Variants in NRG3 observed in about 807,000 individuals in gnomAD.
NRG3 encodes the protein pro-neuregulin-3, membrane-bound isoform.
Under a neutral mutation model 66.9 loss-of-function variants are expected in NRG3, and 31 were observed. The observed-to-expected ratio is 0.46, with a 90% CI of 0.35 to 0.63. The LOEUF (loss-of-function observed/expected upper bound fraction) is 0.63. Among genes scored for constraint, NRG3 ranks in the 20% least tolerant of loss-of-function variants. The pLI is 0.00. For missense variants in NRG3, 910 were observed against 878.9 expected, an observed-to-expected ratio of 1.04 and a Z score of -0.45; for synonymous variants, 393 against 359.4, an observed-to-expected ratio of 1.09 and a Z score of -1.06.
chr10:82,816,407 A>G (rs1031573738), intron 3 of NRG3, among the ~76,000 whole-genome samples: 2 of 152,174 alleles, frequency 1.3e-5, no homozygotes, highest in Admixed American at 6.5e-5. Context: ...AGCTCTCAGC[A>G]GAGAGGAGAC....
At chr10:82,666,552 A>G (rs966081459) in intron 2 of NRG3, among the ~76,000 whole-genome samples, 1 of 152,310 alleles carries the variant, frequency 6.6e-6, no homozygotes, top group East Asian at 1.9e-4. Flanking sequence ...TCTCAGATCC[A>G]TCCATTTCAC....
intron 2 of NRG3, among the ~76,000 whole-genome samples, chr10:82,635,549 T>A (rs1320672077): frequency 6.6e-6 from 1 of 152,090 alleles, no homozygotes; most frequent in Non-Finnish European, 1.5e-5. Context: ...AAAACGCCCC[T>A]TCTTATCTGA....
At chr10:82,201,648 G>T (rs1272352115) in intron 1 of NRG3, among the ~76,000 whole-genome samples, 2 of 151,898 alleles carry the variant, frequency 1.3e-5, no homozygotes, top group Non-Finnish European at 1.5e-5. Context: ...TGGTAAAGGG[G>T]GTATCTTTGC....
chr10:82,739,146 C>T (rs961465957), intron 3 of NRG3, among the ~76,000 whole-genome samples: 4 of 152,156 alleles, frequency 2.6e-5, no homozygotes, highest in Admixed American at 6.5e-5. Flanking sequence ...TTTGGCAACA[C>T]TATTTGCATA....
intron 1 of NRG3, among the ~76,000 whole-genome samples, chr10:82,282,843 G>T (rs1017914652): frequency 6.6e-6 from 1 of 152,056 alleles, no homozygotes; most frequent in Admixed American, 6.6e-5. Context: ...GGTAGGATGA[G>T]GGATCTGAGA....
intron 1 of NRG3, among the ~76,000 whole-genome samples, chr10:82,245,858 C>G (rs1032964665): frequency 4.6e-5 from 7 of 152,048 alleles, no homozygotes; most frequent in Non-Finnish European, 1.0e-4. Context: ...TTTATTTCGG[C>G]ATTCCCTAAT....
intron 2 of NRG3, among the ~76,000 whole-genome samples, chr10:82,712,079 C>T (rs1033795320): frequency 1.3e-5 from 2 of 152,080 alleles, no homozygotes; most frequent in Non-Finnish European, 2.9e-5. Context: ...CAAAAGAATC[C>T]TTTGCACCAT....
At chr10:82,383,015 T>G (rs1271865505) in intron 2 of NRG3, among the ~76,000 whole-genome samples, 2 of 151,988 alleles carry the variant, frequency 1.3e-5, no homozygotes, top group African/African-American at 2.4e-5. Context: ...TTTATTACAT[T>G]AGATATCAGT....
In NRG3 at chr10:82,979,110, C is replaced by T; in HGVS notation, c.1573C>T (p.Pro525Ser). ...ESRIPDQDTIPCQGYSSSGLK... is the reference protein window; with the variant it reads ...ESRIPDQDTISCQGYSSSGLK... ...AAGGATCCCAGACCAGGATACGATA[C>T]CTTGCCAAGGGTAGGTCTTAAAACA... Residue 525 changes from proline to serine, a missense_variant, in exon 8 of 9, where the codon CCT becomes TCT. Pro to Ser is a moderately conservative substitution (Grantham distance 74). Coordinates refer to ENST00000372141, the MANE Select transcript of NRG3 (RefSeq NM_001010848.4). The T allele has an allele frequency of 5.0e-6, 8 of 1,613,942 alleles. No homozygotes were observed. The highest frequency in any genetic ancestry group is 2.7e-5 in the African/African-American group (2 of 75,038).
intron 2 of NRG3, among the ~76,000 whole-genome samples, chr10:82,454,153 C>T (rs1393753529): frequency 1.3e-5 from 2 of 152,146 alleles, no homozygotes; most frequent in Non-Finnish European, 2.9e-5. Flanking sequence ...GTTCTTTAGT[C>T]ATCTATATAT....
At chr10:82,783,442 G>T (rs1334221659) in intron 3 of NRG3, among the ~76,000 whole-genome samples, 15 of 151,614 alleles carry the variant, frequency 9.9e-5, no homozygotes, top group African/African-American at 3.6e-4. Flanking sequence ...TGACATGATT[G>T]TATATCTAGA....
intron 4 of NRG3, among the ~76,000 whole-genome samples, chr10:82,925,873 C>T (rs1185788649): frequency 6.6e-6 from 1 of 152,196 alleles, no homozygotes; most frequent in East Asian, 1.9e-4. Flanking sequence ...CCTACACCCC[C>T]TTTTGCAGCC....
chr10:82,795,873 T>C (rs2060780075), intron 3 of NRG3, among the ~76,000 whole-genome samples: 2 of 152,120 alleles, frequency 1.3e-5, no homozygotes. Context: ...CCATTTTGGT[T>C]TGGTCTGGTC....
At chr10:82,205,943 T>C (rs946647044) in intron 1 of NRG3, among the ~76,000 whole-genome samples, 1 of 152,320 alleles carries the variant, frequency 6.6e-6, no homozygotes, top group Non-Finnish European at 1.5e-5. Context: ...ACTTGGCTTC[T>C]TATTGATTCT....
At chr10:82,566,088 A>G (rs2045386127) in intron 2 of NRG3, among the ~76,000 whole-genome samples, 1 of 152,212 alleles carries the variant, frequency 6.6e-6, no homozygotes, top group East Asian at 1.9e-4. Context: ...AGGATAATGC[A>G]TGCAAAGCTC....
chr10:82,354,562 T>C lies in NRG3; in HGVS notation c.824-4177T>C, dbSNP rs190427646. On this transcript the variant is annotated intron_variant, in intron 1 of 8. Transcript: ENST00000372141. The stretch of plus-strand genomic sequence containing the variant: ...CCTGCCACCATGCCTGGCTAATTTT[T>C]TGTATTTTTAGTAGAGACAGGGTTT... 3.2e-4 allele frequency among the ~76,000 whole-genome samples: 48 copies of C among 152,166 alleles called. No individual in the cohort carries two copies. The East Asian group carries it at 9.3e-3, about 30-fold the overall frequency.
intron 1 of NRG3, among the ~76,000 whole-genome samples, chr10:81,998,119 C>G (rs1025973165): frequency 3.3e-5 from 5 of 152,146 alleles, no homozygotes; most frequent in Non-Finnish European, 4.4e-5. Flanking sequence ...TCTCAAAGAG[C>G]TTGACAGTTG....
intron 5 of NRG3, among the ~76,000 whole-genome samples, chr10:82,952,897 A>G (rs899363884): frequency 6.6e-6 from 1 of 151,992 alleles, no homozygotes; most frequent in African/African-American, 2.4e-5. Context: ...AATGTTTTTT[A>G]GATATTTAGA....
chr10:81,951,831 A>G (rs1223685398), intron 1 of NRG3, among the ~76,000 whole-genome samples: 1 of 152,268 alleles, frequency 6.6e-6, no homozygotes, highest in Admixed American at 6.5e-5. Flanking sequence ...ACATATGTTT[A>G]CTGCGGCACT....
Sources: allele counts gnomAD v4.1 joint callset (sites outside exome capture counted in the v4.1 genomes callset), GRCh38; gene constraint gnomAD v4.1.1; transcripts MANE v1.5; gene names NCBI Gene and HGNC (gene_info 2026-07-23, HGNC 2026-07-21).